The following PSMG2 variants were observed in gnomAD, a reference collection of about 807,000 sequenced individuals.
The protein encoded by PSMG2 is proteasome assembly chaperone 2.
A neutral mutation model predicts 31.5 loss-of-function variants in PSMG2; 21 were observed. That is an observed-to-expected ratio of 0.67 (90% CI 0.47 to 0.96). The LOEUF is 0.96. PSMG2 is among the 40% of genes least tolerant of loss of function. The probability of loss-of-function intolerance (pLI) is 0.00; values close to 1 mark genes in which losing one functional copy is unlikely to be tolerated. For synonymous variants in PSMG2, 120 were observed against 110.4 expected, an observed-to-expected ratio of 1.09 and a Z score of -0.54; for missense variants, 318 against 321.2, an observed-to-expected ratio of 0.99 and a Z score of 0.08.
chr18:12,702,493 A>G (rs1334933664), upstream of PSMG2: 1 of 1,608,774 alleles, frequency 6.2e-7, no homozygotes, highest in African/African-American at 1.3e-5. Flanking sequence ...CACCTTGCTC[A>G]GCTGCTGGTG....
At chr18:12,675,211 A>G (rs1298487974) in intron 1 of PSMG2, among the ~76,000 whole-genome samples, 1 of 152,146 alleles carries the variant, frequency 6.6e-6, no homozygotes, top group Non-Finnish European at 1.5e-5. Flanking sequence ...CCTGGCTAAC[A>G]AGGTGAAACC....
chr18:12,668,041 T>A (rs1216321509), intron 1 of PSMG2, among the ~76,000 whole-genome samples: 1 of 151,456 alleles, frequency 6.6e-6, no homozygotes, highest in East Asian at 1.9e-4. Context: ...GAGGCAGGCG[T>A]ATCACCTGAG....
chr18:12,667,589 C>T (rs1209222082), intron 1 of PSMG2, among the ~76,000 whole-genome samples: 5 of 150,744 alleles, frequency 3.3e-5, no homozygotes, highest in African/African-American at 4.9e-5. Flanking sequence ...GTGAAACCCC[C>T]GTCTCTAGTA....
In PSMG2 at chr18:12,703,137, C is replaced by A; in HGVS notation, c.30C>A (p.Pro10=). 1 of 1,612,352 alleles carries A rather than the reference C, an allele frequency of 6.2e-7. No homozygotes were observed. Reference sequence around the variant, plus strand: ...TCGTTCCCTGCGGGGAGTCGGCCCCCGACCTTGCCGGCTTCACCCTCCTAA... The same window carrying A: ...TCGTTCCCTGCGGGGAGTCGGCCCCAGACCTTGCCGGCTTCACCCTCCTAA... MFVPCGESA[P]DLAGFTLLMP... The change falls in exon 1 of 7, where the codon CCC becomes CCA. Residue 10 remains proline (P), a synonymous_variant. Transcript: ENST00000317615.
chr18:12,714,267 C>T (rs1429788574), intron 3 of PSMG2, among the ~76,000 whole-genome samples: 1 of 152,168 alleles, frequency 6.6e-6, no homozygotes, highest in Non-Finnish European at 1.5e-5. Context: ...TAACAAGAGT[C>T]ATGCTCACAG....
chr18:12,725,334 A>G, intron 6 of PSMG2, 105 bp from the exon 7 acceptor site: 2 of 838,620 alleles, frequency 2.4e-6, no homozygotes, highest in Non-Finnish European at 3.6e-6. Flanking sequence ...CTGGCTATAA[A>G]AGTGCCAACC....
At chr18:12,707,719 G>C (rs888341342) in intron 2 of PSMG2, among the ~76,000 whole-genome samples, 1 of 152,212 alleles carries the variant, frequency 6.6e-6, no homozygotes, top group Admixed American at 6.5e-5. Context: ...CTGTTCTGGT[G>C]ATCTTTCAGT....
At position 12,711,809 on chromosome 18, in the gene PSMG2, A is replaced by G. The variant is rs1173337286; in HGVS notation, c.230-893A>G. On this transcript the variant is annotated intron_variant, in intron 2 of 6. Coordinates refer to ENST00000317615, the MANE Select transcript of PSMG2 (RefSeq NM_020232.5). Reference sequence around the variant, plus strand: ...TGTTCTGTTGCCCAAGCTGGAGTGCAGTGGCGCGATCTCTGCTCACTGCAA... The same window carrying G: ...TGTTCTGTTGCCCAAGCTGGAGTGCGGTGGCGCGATCTCTGCTCACTGCAA... Among the ~76,000 whole-genome samples, 12 of 135,314 alleles carry G rather than the reference A, an allele frequency of 8.9e-5. No homozygotes were observed. The Admixed American group carries it at 9.5e-4, about 11-fold the overall frequency. The allele number at this position is 135,314 out of a possible 152,430, so 88.8% of individuals were successfully genotyped here. A position where few individuals can be genotyped will look rare whatever the true frequency, so the allele number is the denominator to read the frequency against.
chr18:12,686,535 A>G, intron 1 of PSMG2: 2 of 963,316 alleles, frequency 2.1e-6, no homozygotes, highest in East Asian at 4.9e-5. Context: ...GTAGGATAAA[A>G]TAATTCAGCA....
rs372009134 is a variant in PSMG2 at position 12,703,917 on chromosome 18, C to G, written c.57+753C>G. On this transcript the variant is annotated intron_variant, in intron 1 of 6. Transcript: ENST00000317615. ...GTCAGTAAGCAGGGGGACTTGAAGA[C>G]TGCCAAGAATTTGGAATGACACATT... 4.3e-4 allele frequency among the ~76,000 whole-genome samples: 65 copies of G among 152,282 alleles called. 2 individuals carry two copies. The South Asian group carries it at 0.012, about 29-fold the overall frequency.
intron 3 of PSMG2, 150 bp downstream of exon 3, chr18:12,712,910 G>C (rs2040344995): frequency 3.7e-6 from 2 of 542,452 alleles, no homozygotes; most frequent in Non-Finnish European, 3.2e-6. Flanking sequence ...CAATATTTCA[G>C]ATGTGTTACT....
chr18:12,668,597 CAAAAAAAAAAAAAAAA>C (rs752216074), intron 1 of PSMG2, among the ~76,000 whole-genome samples: 17,191 of 73,284 alleles, frequency 0.23, 1,545 homozygotes, highest in African/African-American at 0.37. Flanking sequence ...GATTCCATCT[CAAAAAAAAAAAAAAAA>C]AAAAAAAAAA....
At chr18:12,695,880 ACACACT>A (rs930892150) in intron 1 of PSMG2, among the ~76,000 whole-genome samples, 7 of 150,380 alleles carry the variant, frequency 4.7e-5, no homozygotes, top group African/African-American at 1.8e-4. Flanking sequence ...ACACACACAC[ACACACT>A]AAAAATTAGA....
chr18:12,704,770 C>T (rs2040247346), intron 1 of PSMG2, among the ~76,000 whole-genome samples: 1 of 152,084 alleles, frequency 6.6e-6, no homozygotes, highest in Admixed American at 6.6e-5. Context: ...GGGAATAATA[C>T]AATATTGTGA....
intron 2 of PSMG2, among the ~76,000 whole-genome samples, chr18:12,706,948 G>A (rs1165296857): frequency 7.3e-6 from 1 of 137,612 alleles, no homozygotes; most frequent in Non-Finnish European, 1.7e-5. Flanking sequence ...GATCATACTT[G>A]TATCTTTTTT....
At chr18:12,718,733 C>T (rs924259026) in intron 4 of PSMG2, 98 bp downstream of exon 4, 4 of 796,506 alleles carry the variant, frequency 5.0e-6, no homozygotes, top group Non-Finnish European at 3.8e-6. Context: ...TAGATCCTTA[C>T]CTCTTCTTAC....
rs71174122 is a variant in PSMG2 at position 12,669,032 on chromosome 18, C to CTTTTTTT, written c.-37+10279_-37+10285dup. Among the ~76,000 whole-genome samples the CTTTTTTT allele has an allele frequency of 2.8e-3, 117 of 41,942 alleles. 31 individuals carry two copies. The highest frequency in any genetic ancestry group is 0.01 in the African/African-American group (108 of 10,528). 27.5% of individuals were successfully genotyped at this position (41,942 alleles called of 152,430 possible). Reference sequence around the variant, plus strand: ...GGCTTGAGCTACCGCACCCCCCGCACTTTTTTTTTTTTTTTTTTTTTTTTT... The same window carrying CTTTTTTT: ...GGCTTGAGCTACCGCACCCCCCGCACTTTTTTTTTTTTTTTTTTTTTTTTTTTTTTTT... On this transcript the variant is annotated intron_variant, in intron 1 of 6. Transcript: ENST00000585331.
At chr18:12,711,974 A>G (rs2040337083) in intron 2 of PSMG2, among the ~76,000 whole-genome samples, 1 of 151,822 alleles carries the variant, frequency 6.6e-6, no homozygotes, top group African/African-American at 2.4e-5. Flanking sequence ...AGCTAGGATG[A>G]TCTTGATCTC....
At chr18:12,677,868 C>T (rs1054884452) in intron 1 of PSMG2, among the ~76,000 whole-genome samples, 1 of 152,128 alleles carries the variant, frequency 6.6e-6, no homozygotes, top group Non-Finnish European at 1.5e-5. Context: ...TGAACAAGTT[C>T]ACCATTCTTC....
Sources: allele counts gnomAD v4.1 joint callset (sites outside exome capture counted in the v4.1 genomes callset), GRCh38; gene constraint gnomAD v4.1.1; transcripts MANE v1.5; gene names NCBI Gene and HGNC (gene_info 2026-07-23, HGNC 2026-07-21).